LGR5: variants seen among roughly 807,000 people sequenced by gnomAD.
The protein encoded by LGR5 is leucine-rich repeat-containing G protein-coupled receptor 5.
Under a neutral mutation model 76.7 loss-of-function variants are expected in LGR5, and 54 were observed. The ratio of observed to expected loss-of-function variants is 0.70; its 90% CI spans 0.57 to 0.88. The LOEUF is 0.88. LGR5 is among the 40% of genes least tolerant of loss of function. The pLI is 0.00. For synonymous variants in LGR5, 406 were observed against 421.9 expected (o/e 0.96, Z 0.46); for missense variants, 1,078 against 1,073.3 (o/e 1.00, Z -0.06).
chr12:71,459,305 C>G (rs1043331214), intron 1 of LGR5, among the ~76,000 whole-genome samples: 64 of 152,074 alleles, frequency 4.2e-4, no homozygotes, highest in African/African-American at 1.4e-3. Context: ...TTCTGAAATA[C>G]AATTATGAAT....
intron 2 of LGR5, among the ~76,000 whole-genome samples, chr12:71,518,101 G>C (rs1048601334): frequency 6.6e-6 from 1 of 151,852 alleles, no homozygotes; most frequent in African/African-American, 2.4e-5. Flanking sequence ...GAAAATTTTG[G>C]CAAACTATGC....
intron 3 of LGR5, 40 bp from the exon 4 acceptor site, chr12:71,535,075 A>T (rs747862620): frequency 6.9e-7 from 1 of 1,449,278 alleles, no homozygotes. Flanking sequence ...GTTATTGTTC[A>T]TTTTTTTTAA....
chr12:71,546,301 T>C (rs994298916), intron 4 of LGR5, among the ~76,000 whole-genome samples: 6 of 131,728 alleles, frequency 4.6e-5, no homozygotes, highest in Non-Finnish European at 8.0e-5. Context: ...GGAGACAGAG[T>C]GAGACTCAGT....
At chr12:71,444,561 T>G (rs897649067) in intron 1 of LGR5, among the ~76,000 whole-genome samples, 1 of 152,112 alleles carries the variant, frequency 6.6e-6, no homozygotes, top group Non-Finnish European at 1.5e-5. Flanking sequence ...TGATCTTCAG[T>G]TTTTTTCTTT....
chr12:71,552,380 C>G (rs1307710784), intron 4 of LGR5, among the ~76,000 whole-genome samples: 1 of 152,168 alleles, frequency 6.6e-6, no homozygotes, highest in African/African-American at 2.4e-5. Context: ...ACCTGGCCAA[C>G]ATGGTGAAAC....
chr12:71,563,025 T>G (rs1416593589), intron 8 of LGR5, among the ~76,000 whole-genome samples: 1 of 152,238 alleles, frequency 6.6e-6, no homozygotes, highest in East Asian at 1.9e-4. Context: ...ATTAAGAGGT[T>G]GGCAAATTAC....
chr12:71,465,306 A>C (rs1021833633), intron 1 of LGR5, among the ~76,000 whole-genome samples: 7 of 152,192 alleles, frequency 4.6e-5, no homozygotes, highest in African/African-American at 1.7e-4. Flanking sequence ...GAGAATCATG[A>C]AAGTGGACTC....
intron 1 of LGR5, among the ~76,000 whole-genome samples, chr12:71,485,137 T>C (rs1005374557): frequency 1.3e-5 from 2 of 152,156 alleles, no homozygotes; most frequent in African/African-American, 4.8e-5. Flanking sequence ...ACAGTAAATA[T>C]CTCAGGTAAA....
chr12:71,469,214 A>T (rs1383156933), intron 1 of LGR5, among the ~76,000 whole-genome samples: 1 of 152,224 alleles, frequency 6.6e-6, no homozygotes. Context: ...TTCCAAAGAG[A>T]TTATATTTAA....
intron 1 of LGR5, among the ~76,000 whole-genome samples, chr12:71,443,607 A>G (rs908356670): frequency 6.6e-6 from 1 of 152,242 alleles, no homozygotes; most frequent in African/African-American, 2.4e-5. Context: ...AAGTAGTTCT[A>G]ACATCTAATC....
chr12:71,458,503 G>A (rs1468018488), intron 1 of LGR5, among the ~76,000 whole-genome samples: 1 of 152,086 alleles, frequency 6.6e-6, no homozygotes, highest in East Asian at 1.9e-4. Context: ...TTGGAAAGCT[G>A]CAGTCAACAA....
intron 4 of LGR5, among the ~76,000 whole-genome samples, chr12:71,545,224 T>C (rs1877095315): frequency 1.3e-5 from 2 of 152,118 alleles, no homozygotes. Context: ...GGCGGGAGGA[T>C]CACTTGAGAT....
At chr12:71,491,950 A>G (rs551977115) in intron 1 of LGR5, among the ~76,000 whole-genome samples, 3 of 151,968 alleles carry the variant, frequency 2.0e-5, no homozygotes, top group African/African-American at 7.2e-5. Flanking sequence ...TTGGAGTATT[A>G]TAGTGACTAG....
chr12:71,547,421 G>A (rs1332701466), intron 4 of LGR5, among the ~76,000 whole-genome samples: 1 of 152,142 alleles, frequency 6.6e-6, no homozygotes, highest in East Asian at 1.9e-4. Context: ...ATGACAAAGG[G>A]TTAAGAAACT....
In LGR5 at chr12:71,584,130, G is replaced by A; in HGVS notation, c.2120G>A (p.Gly707Asp). ...CCCCTGCTGGGTGGCAGCAAGTATG[G>A]CGCCTCCCCTCTCTGCCTGCCTTTG... ...AVPLLGGSKY[G>D]ASPLCLPLPF... is the part of the protein sequence containing the mutation. Residue 707 changes from glycine to aspartate, a missense_variant, in exon 18 of 18, where the codon GGC becomes GAC. Physicochemically the swap from Gly to Asp is moderately conservative, Grantham distance 94. Coordinates refer to ENST00000266674, the MANE Select transcript of LGR5 (RefSeq NM_003667.4). The A allele has an allele frequency of 2.5e-6, 4 of 1,614,150 alleles. No homozygotes were observed. The South Asian group carries it at 4.4e-5, about 18-fold the overall frequency.
chr12:71,486,619 CT>C (rs200078489), intron 1 of LGR5, among the ~76,000 whole-genome samples: 2 of 151,978 alleles, frequency 1.3e-5, no homozygotes, highest in Admixed American at 6.6e-5. Context: ...CTTTTTTTGT[CT>C]TTTTTACCAT....
chr12:71,559,931 C>T (rs536215119), intron 7 of LGR5, among the ~76,000 whole-genome samples: 2 of 152,230 alleles, frequency 1.3e-5, no homozygotes, highest in South Asian at 2.1e-4. Flanking sequence ...CATACATACT[C>T]TCCCACCATT....
intron 4 of LGR5, among the ~76,000 whole-genome samples, chr12:71,537,340 G>A (rs1876646590): frequency 6.6e-6 from 1 of 152,046 alleles, no homozygotes; most frequent in Non-Finnish European, 1.5e-5. Flanking sequence ...GTGGTGACAT[G>A]TGCCCGCAGT....
In LGR5 at chr12:71,584,842, A is replaced by G. The variant is rs575446494; in HGVS notation, c.*108A>G. 20 of 1,179,176 alleles carry G rather than the reference A, an allele frequency of 1.7e-5. No homozygotes were observed. The African/African-American group carries it at 2.9e-4, about 17-fold the overall frequency. The allele number at this position is 1,179,176 out of a possible 1,614,324, so 73.0% of individuals were successfully genotyped here. A position where few individuals can be genotyped will look rare whatever the true frequency, so the allele number is the denominator to read the frequency against. ...AGAGCTGAGGTGAAACTCGGTTTAA[A>G]AACCAAAAAAGAATCTCTCAGTTAG... On this transcript the variant is annotated 3_prime_UTR_variant, in exon 18 of 18. Coordinates refer to ENST00000266674, the MANE Select transcript of LGR5 (RefSeq NM_003667.4).
Sources: allele counts gnomAD v4.1 joint callset (sites outside exome capture counted in the v4.1 genomes callset), GRCh38; gene constraint gnomAD v4.1.1; transcripts MANE v1.5; gene names NCBI Gene and HGNC (gene_info 2026-07-23, HGNC 2026-07-21).